The following APOBEC1 variants were observed in gnomAD, a reference collection of about 807,000 sequenced individuals.
The protein encoded by APOBEC1 is apolipoprotein B mRNA editing enzyme catalytic subunit 1.
Under a neutral mutation model 26.3 loss-of-function variants are expected in APOBEC1, and 22 were observed. The ratio of observed to expected loss-of-function variants is 0.84; its 90% CI spans 0.60 to 1.19. The LOEUF (loss-of-function observed/expected upper bound fraction) is 1.19, where lower values mean the gene tolerates loss of function less well. APOBEC1 is among the 50% of genes most tolerant of loss of function. APOBEC1 has a pLI of 0.00. For synonymous variants in APOBEC1, 77 were observed against 95.3 expected, an observed-to-expected ratio of 0.81 and a Z score of 1.12; for missense variants, 253 against 289.0, an observed-to-expected ratio of 0.88 and a Z score of 0.90.
At chr12:7,657,400 G>A (rs192265760) in intron 1 of APOBEC1, among the ~76,000 whole-genome samples, 74 of 152,150 alleles carry the variant, frequency 4.9e-4, no homozygotes, top group Admixed American at 1.1e-3. Context: ...ACTTTCTGAC[G>A]TTTTATTTTT....
chr12:7,653,146 G>A, intron 2 of APOBEC1, among the ~76,000 whole-genome samples: 1 of 151,978 alleles, frequency 6.6e-6, no homozygotes, highest in African/African-American at 2.4e-5. Context: ...TGGCCAGGCT[G>A]GTCTCAAACT....
chr12:7,656,739 C>T (rs1474128924), intron 1 of APOBEC1, among the ~76,000 whole-genome samples: 1 of 152,156 alleles, frequency 6.6e-6, no homozygotes, highest in Non-Finnish European at 1.5e-5. Context: ...GGAAGACTCA[C>T]GTAACACAAT....
At chr12:7,652,352 G>C in intron 3 of APOBEC1, 86 bp downstream of exon 3, 1 of 1,271,314 alleles carries the variant, frequency 7.9e-7, no homozygotes. Context: ...CTTCCAGCCT[G>C]GGCTAACCAA....
At chr12:7,660,202 C>T (rs1310691212) in intron 1 of APOBEC1, among the ~76,000 whole-genome samples, 1 of 150,964 alleles carries the variant, frequency 6.6e-6, no homozygotes, top group Non-Finnish European at 1.5e-5. Context: ...ATTCTGGAGG[C>T]TGAGACAGGA....
intron 1 of APOBEC1, among the ~76,000 whole-genome samples, chr12:7,658,122 G>A (rs749437294): frequency 6.6e-6 from 1 of 152,216 alleles, no homozygotes; most frequent in African/African-American, 2.4e-5. Flanking sequence ...GGAGTCCAGT[G>A]GTGCAATCTT....
chr12:7,652,604 G>A lies in APOBEC1; in HGVS notation c.276C>T (p.Pro92=), dbSNP rs959886023. The change falls in exon 3 of 5, where the codon CCC becomes CCT. Residue 92 remains proline, a synonymous_variant. Transcript: ENST00000229304. The stretch of plus-strand genomic sequence containing the variant: ...TAATAGCCTGGGAGCATTCCCAGCA[G>A]GGACTCCAGGACAAGAACCAGGTGA... ...CSITWFLSWS[P]CWECSQAIRE... is the part of the protein sequence containing the mutation. 9 of 1,614,078 alleles carry A rather than the reference G, an allele frequency of 5.6e-6. No homozygotes were observed. The highest frequency in any genetic ancestry group is 7.6e-6 in the Non-Finnish European group (9 of 1,180,032).
chr12:7,659,326 T>A (rs199653129), intron 1 of APOBEC1, among the ~76,000 whole-genome samples: 2,313 of 61,436 alleles, frequency 0.038, 55 homozygotes, highest in Middle Eastern at 0.05. Context: ...AAAAAAAATA[T>A]ATATATATAT....
chr12:7,657,863 C>G (rs1019333958), intron 1 of APOBEC1, among the ~76,000 whole-genome samples: 1 of 151,930 alleles, frequency 6.6e-6, no homozygotes, highest in African/African-American at 2.4e-5. Context: ...GCAAGAGAGA[C>G]AGACCCTGTC....
At chr12:7,659,396 A>AC (rs1863772964) in intron 1 of APOBEC1, among the ~76,000 whole-genome samples, 1 of 118,848 alleles carries the variant, frequency 8.4e-6, no homozygotes, top group Non-Finnish European at 1.9e-5. Flanking sequence ...CACACACACA[A>AC]AAGGAACTAC....
upstream of APOBEC1, chr12:7,665,985 T>C (rs1863888146): frequency 7.4e-6 from 8 of 1,079,296 alleles, no homozygotes; most frequent in East Asian, 1.7e-4. Flanking sequence ...GGATGACTCA[T>C]TCCCGCATCT....
chr12:7,662,418 A>T (rs1014778850), intron 1 of APOBEC1, among the ~76,000 whole-genome samples: 1 of 151,624 alleles, frequency 6.6e-6, no homozygotes, highest in Non-Finnish European at 1.5e-5. Flanking sequence ...CCCTGTCTCT[A>T]CTAAAAATAC....
In APOBEC1 at chr12:7,665,856, C is replaced by T; in HGVS notation, c.16+1G>A. 1 of 1,601,536 alleles carries T rather than the reference C, an allele frequency of 6.2e-7. No homozygotes were observed. The highest frequency in any genetic ancestry group is 1.1e-5 in the South Asian group (1 of 90,828). ...TTGCCAAGCCCCCGGATCCATTTTA[C>T]CTTTCTCAGAAGTCATGGTGCTCTG... On this transcript the variant is annotated splice_donor_variant, in intron 1 of 4. Transcript: ENST00000229304. LOFTEE classifies it high-confidence loss of function.
At chr12:7,659,197 G>A (rs1176527838) in intron 1 of APOBEC1, among the ~76,000 whole-genome samples, 1 of 145,056 alleles carries the variant, frequency 6.9e-6, no homozygotes, top group Non-Finnish European at 1.5e-5. Context: ...AGGAAGCTGA[G>A]GCAGGAGAAT....
At chr12:7,666,454 C>T (rs1400154058), upstream of APOBEC1, among the ~76,000 whole-genome samples, 4 of 151,734 alleles carry the variant, frequency 2.6e-5, no homozygotes, top group South Asian at 2.1e-4. Context: ...ACACCACGCC[C>T]GGCTAATTTT....
intron 1 of APOBEC1, 85 bp downstream of exon 1, chr12:7,665,752 GACACACACACACACACACAC>G (rs60124402): frequency 9.7e-4 from 750 of 775,448 alleles, no homozygotes; most frequent in South Asian, 2.1e-3. Context: ...GAATCAGCAG[GACACACACACACACACACAC>G]ACACACACAC....
chr12:7,658,539 A>T (rs1417530238), intron 1 of APOBEC1, among the ~76,000 whole-genome samples: 1 of 152,204 alleles, frequency 6.6e-6, no homozygotes, highest in Non-Finnish European at 1.5e-5. Context: ...ACAGTGCCAG[A>T]TGGTCTCAGA....
At position 7,664,984 on chromosome 12, in the gene APOBEC1, T is replaced by C. The variant is rs372505346; in HGVS notation, c.16+873A>G. Among the ~76,000 whole-genome samples, 4 of 150,084 alleles carry C rather than the reference T, an allele frequency of 2.7e-5. No homozygotes were observed. The East Asian group carries it at 7.9e-4, about 30-fold the overall frequency. The stretch of plus-strand genomic sequence containing the variant: ...CTTTGAGAGACCAAGGGTGGAGAAT[T>C]GCTTGAGCCCAGGAGTTCCAGACCA... On this transcript the variant is annotated intron_variant, in intron 1 of 4. Transcript: ENST00000229304.
At chr12:7,660,400 G>GAAAGAAAGAAAGAAA (rs1565442481) in intron 1 of APOBEC1, among the ~76,000 whole-genome samples, 9 of 101,672 alleles carry the variant, frequency 8.9e-5, no homozygotes, top group African/African-American at 3.2e-4. Context: ...AAGAAAGAAA[G>GAAAGAAAGAAAGAAA]AAAGAAAGAA....
At position 7,652,458 on chromosome 12, in the gene APOBEC1, A is replaced by G; in HGVS notation, c.422T>C (p.Ile141Thr). The G allele has an allele frequency of 6.2e-7, 1 of 1,613,090 alleles. No homozygotes were observed. The change falls in exon 3 of 5, where the codon ATT becomes ACT. Residue 141 changes from isoleucine to threonine, a missense_variant. By Grantham distance (89) the Ile-to-Thr change is moderately conservative. Coordinates refer to ENST00000229304, the MANE Select transcript of APOBEC1 (RefSeq NM_001644.5). Reference protein sequence around the residue: ...LRDLVNSGVTIQIMRASEYYH... With the variant: ...LRDLVNSGVTTQIMRASEYYH... ...TTTACCTGATGCTCTCATAATCTGA[A>G]TAGTTACTCCACTGTTAACAAGGTC... is the stretch of plus-strand genomic sequence containing the variant.
Sources: allele counts gnomAD v4.1 joint callset (sites outside exome capture counted in the v4.1 genomes callset), GRCh38; gene constraint gnomAD v4.1.1; transcripts MANE v1.5; gene names NCBI Gene and HGNC (gene_info 2026-07-23, HGNC 2026-07-21).